Variants in KCNN3 observed in about 807,000 individuals in gnomAD.
The protein encoded by KCNN3 is small conductance calcium-activated potassium channel protein 3.
Under a neutral mutation model 62.9 loss-of-function variants are expected in KCNN3, and 16 were observed. The ratio of observed to expected loss-of-function variants is 0.25; its 90% confidence interval spans 0.17 to 0.39. The LOEUF (loss-of-function observed/expected upper bound fraction) is 0.39. Among genes scored for constraint, KCNN3 ranks in the 10% least tolerant of loss-of-function variants. KCNN3 has a pLI of 1.00. For synonymous variants in KCNN3, 370 were observed against 389.2 expected (o/e 0.95, Z 0.58); for missense variants, 599 against 949.4 (o/e 0.63, Z 4.85).
At chr1:154,860,745 C>G (rs1652738087) in intron 1 of KCNN3, among the ~76,000 whole-genome samples, 1 of 152,172 alleles carries the variant, frequency 6.6e-6, no homozygotes, top group African/African-American at 2.4e-5. Context: ...GCGCATATGC[C>G]CCTCCTGTCT....
rs1297868526 is a variant in KCNN3, at chr1:154,707,751, T to A, written c.*225A>T. ...CTGCCAGAGGCGTCGCTTCCTGTCA[T>A]CTCCTCTTCCCGCTCCCAAGTAGAG... On this transcript the variant is annotated 3_prime_UTR_variant, in exon 8 of 8. Coordinates refer to ENST00000271915, the MANE Select transcript of KCNN3 (RefSeq NM_002249.6). The A allele has an allele frequency of 7.4e-6, 4 of 541,258 alleles. No homozygotes were observed. Among genetic ancestry groups the A allele is most frequent in the Non-Finnish European group, 1.3e-5 (4 of 312,582 alleles). The allele number at this position is 541,258 out of a possible 1,614,324, so 33.5% of individuals were successfully genotyped here.
At chr1:154,817,535 G>A (rs1650717877) in intron 2 of KCNN3, among the ~76,000 whole-genome samples, 1 of 152,236 alleles carries the variant, frequency 6.6e-6, no homozygotes, top group Non-Finnish European at 1.5e-5. Flanking sequence ...AATAGACTAA[G>A]AAGGATTAAG....
chr1:154,751,651 T>C (rs906275), intron 3 of KCNN3, among the ~76,000 whole-genome samples: 133,302 of 152,110 alleles, frequency 0.88, 58,535 homozygotes, highest in East Asian at 1. Context: ...AGAGTCACCA[T>C]GGAAGCCAAC....
intron 7 of KCNN3, among the ~76,000 whole-genome samples, chr1:154,708,892 G>A (rs1198490573): frequency 6.6e-6 from 1 of 152,180 alleles, no homozygotes; most frequent in Admixed American, 6.5e-5. Flanking sequence ...AGCCAAAGGA[G>A]GCTGCCTTGC....
In KCNN3 at chr1:154,701,812, C is replaced by T. The variant is rs1040296282; in HGVS notation, c.*6164G>A. ...GGCCTTGTGTAGTTTGGAAAGCCGA[C>T]CCCGGTTTCACGTACATGGAGAAAC... On this transcript the variant is annotated 3_prime_UTR_variant, in exon 8 of 8. Coordinates refer to ENST00000271915, the MANE Select transcript of KCNN3 (RefSeq NM_002249.6). The T allele has an allele frequency of 2.0e-5, 3 of 152,166 alleles. No homozygotes were observed. Among genetic ancestry groups the T allele is most frequent in the African/African-American group, 7.2e-5 (3 of 41,430 alleles). 9.4% of individuals were successfully genotyped at this position (152,166 alleles called of 1,614,324 possible).
intron 1 of KCNN3, among the ~76,000 whole-genome samples, chr1:154,850,971 G>A (rs1652277325): frequency 6.6e-6 from 1 of 152,060 alleles, no homozygotes; most frequent in Admixed American, 6.6e-5. Flanking sequence ...GCTGATTTTT[G>A]TTTGTTTGTT....
At chr1:154,732,119 A>G (rs925042) in intron 4 of KCNN3, among the ~76,000 whole-genome samples, 79,823 of 152,106 alleles carry the variant, frequency 0.52, 21,233 homozygotes, top group South Asian at 0.65. Flanking sequence ...CCTTGCACAA[A>G]CCAATGGGGA....
intron 3 of KCNN3, among the ~76,000 whole-genome samples, chr1:154,757,338 C>A (rs1647771782): frequency 1.3e-5 from 2 of 152,214 alleles, no homozygotes; most frequent in African/African-American, 4.8e-5. Flanking sequence ...CTCTTTGAGT[C>A]CTGGCTGGTT....
chr1:154,808,933 G>A (rs989429880), intron 2 of KCNN3, among the ~76,000 whole-genome samples: 10 of 152,196 alleles, frequency 6.6e-5, no homozygotes, highest in African/African-American at 2.4e-4. Context: ...GGCAGGTGTC[G>A]GGCGGCTCCC....
Position 154,800,054 on chromosome 1 carries a change from C to T in KCNN3, c.1029+22035G>A, listed in dbSNP as rs116747563. Among the ~76,000 whole-genome samples the T allele has an allele frequency of 3.8e-3, 580 of 152,312 alleles. 7 individuals carry two copies. Among genetic ancestry groups the T allele is most frequent in the African/African-American group, 0.013 (558 of 41,570 alleles). ...GTGACGTATGCATGGGAAACAGCCTCGTTGAACTGTAGATTCCTGAACGAA... is the reference window on the plus strand; with the variant it reads ...GTGACGTATGCATGGGAAACAGCCTTGTTGAACTGTAGATTCCTGAACGAA... On this transcript the variant is annotated intron_variant, in intron 2 of 7. Coordinates refer to ENST00000271915, the MANE Select transcript of KCNN3 (RefSeq NM_002249.6).
intron 3 of KCNN3, among the ~76,000 whole-genome samples, chr1:154,741,645 T>G (rs1373058800): frequency 6.6e-6 from 1 of 151,406 alleles, no homozygotes; most frequent in African/African-American, 2.4e-5. Flanking sequence ...TAAGCCAAAG[T>G]GAAATGACTG....
At chr1:154,843,955 C>T (rs1479042970) in intron 1 of KCNN3, among the ~76,000 whole-genome samples, 3 of 152,328 alleles carry the variant, frequency 2.0e-5, no homozygotes, top group African/African-American at 4.8e-5. Flanking sequence ...GCCCCTGCCT[C>T]GGTGACTGCC....
chr1:154,836,185 C>G (rs148729443), intron 1 of KCNN3, among the ~76,000 whole-genome samples: 9 of 152,300 alleles, frequency 5.9e-5, no homozygotes, highest in African/African-American at 2.2e-4. Flanking sequence ...CAGCACCTTC[C>G]TTCTTTGAGT....
chr1:154,745,996 G>T (rs141276449), intron 3 of KCNN3, among the ~76,000 whole-genome samples: 1 of 152,152 alleles, frequency 6.6e-6, no homozygotes, highest in African/African-American at 2.4e-5. Context: ...TAGGGAAGGC[G>T]CTTACCTCTC....
At chr1:154,708,434 T>C (rs966303656) in intron 7 of KCNN3, among the ~76,000 whole-genome samples, 162 bp from the exon 8 acceptor site, 4 of 152,192 alleles carry the variant, frequency 2.6e-5, no homozygotes, top group Non-Finnish European at 1.5e-5. Flanking sequence ...GGGATGGGGA[T>C]GCTGAAGTGT....
intron 1 of KCNN3, among the ~76,000 whole-genome samples, chr1:154,841,142 C>T (rs560420743): frequency 2.0e-5 from 3 of 152,176 alleles, no homozygotes; most frequent in Non-Finnish European, 2.9e-5. Flanking sequence ...AAAGATGGGC[C>T]GCTGACAGCC....
intron 3 of KCNN3, among the ~76,000 whole-genome samples, chr1:154,766,932 C>T (rs1264296116): frequency 3.9e-5 from 6 of 152,162 alleles, no homozygotes; most frequent in South Asian, 2.1e-4. Context: ...CTGCCCGCCT[C>T]GGCCTCCCAA....
intron 3 of KCNN3, among the ~76,000 whole-genome samples, chr1:154,763,533 T>C (rs150388583): frequency 4.9e-4 from 74 of 152,308 alleles, no homozygotes; most frequent in African/African-American, 1.7e-3. Context: ...CACACCATTG[T>C]GCCTGAAAAA....
chr1:154,863,466 A>G (rs1335609271), intron 1 of KCNN3, among the ~76,000 whole-genome samples: 2 of 152,168 alleles, frequency 1.3e-5, no homozygotes, highest in Admixed American at 1.3e-4. Context: ...CACTGAGCTG[A>G]GTAAAGTGGT....
Sources: gnomAD v4.1 joint callset for allele counts (sites outside exome capture counted in the v4.1 genomes callset) on GRCh38, gnomAD v4.1.1 for gene constraint, MANE v1.5 for transcripts, NCBI Gene and HGNC (gene_info 2026-07-23, HGNC 2026-07-21) for gene names.